Variants in CAST observed in about 807,000 individuals in gnomAD.
CAST encodes MIR583 host.
CAST carries 76 observed loss-of-function variants against 119.6 expected under a neutral mutation model. That is an observed-to-expected ratio of 0.64 (90% CI 0.53 to 0.77). The LOEUF is 0.77. Among genes scored for constraint, CAST ranks in the 30% least tolerant of loss-of-function variants. The probability of loss-of-function intolerance (pLI) is 0.00; values close to 1 mark genes in which losing one functional copy is unlikely to be tolerated. For missense variants in CAST, 953 were observed against 946.5 expected, an observed-to-expected ratio of 1.01 and a Z score of -0.09; for synonymous variants, 319 against 331.6, an observed-to-expected ratio of 0.96 and a Z score of 0.41.
At chr5:96,415,328 A>C in the CAST span, among the ~76,000 whole-genome samples, 1 of 152,162 alleles carries the variant, frequency 6.6e-6, no homozygotes, top group Admixed American at 6.5e-5. Flanking sequence ...GTTGTACTCA[A>C]GGCCTATCCA....
At chr5:96,045,907 T>C in the CAST span, among the ~76,000 whole-genome samples, 1 of 152,184 alleles carries the variant, frequency 6.6e-6, no homozygotes, top group Non-Finnish European at 1.5e-5. Context: ...AATCACAGTA[T>C]GGAGACAGAA....
At chr5:96,467,640 C>T in the CAST span, among the ~76,000 whole-genome samples, 2 of 151,872 alleles carry the variant, frequency 1.3e-5, no homozygotes, top group Non-Finnish European at 2.9e-5. Context: ...CCTCCATGTC[C>T]TCCTTGGTAA....
chr5:96,667,320 A>G (rs917556375), intron 1 of CAST, among the ~76,000 whole-genome samples: 7 of 152,234 alleles, frequency 4.6e-5, no homozygotes, highest in Admixed American at 6.5e-5. Context: ...AGTTTTGTGC[A>G]GAGTGCGGTG....
the CAST span, among the ~76,000 whole-genome samples, chr5:96,361,245 A>C: frequency 6.6e-6 from 1 of 152,200 alleles, no homozygotes; most frequent in Non-Finnish European, 1.5e-5. Flanking sequence ...ATTTCAAGCC[A>C]GTGGATCTTA....
chr5:96,580,016 A>G (rs1310773816), intron 1 of CAST, among the ~76,000 whole-genome samples: 2 of 152,246 alleles, frequency 1.3e-5, no homozygotes, highest in African/African-American at 2.4e-5. Flanking sequence ...AAACAGGATC[A>G]AAGTCACTGT....
chr5:96,726,776 G>A lies in CAST; in HGVS notation c.271-18G>A, dbSNP rs1156264909. On this transcript the variant is annotated intron_variant, in intron 4 of 31. Transcript: ENST00000675179. ...CAGATAAAATAAAATTATACCTGGG[G>A]CTGTGCTCTTATATTAGGCCATTCC... 4 of 1,583,690 alleles carry A rather than the reference G, an allele frequency of 2.5e-6. No individual in the cohort carries two copies. The East Asian group carries it at 6.7e-5, about 27-fold the overall frequency.
the CAST span, among the ~76,000 whole-genome samples, chr5:96,076,422 C>A: frequency 0.012 from 1,859 of 152,288 alleles, 24 homozygotes; most frequent in South Asian, 0.072. Flanking sequence ...AATTTATAAT[C>A]TTCCTTCTGA....
intron 2 of CAST, among the ~76,000 whole-genome samples, chr5:96,688,696 C>T (rs967809148): frequency 6.6e-6 from 1 of 151,928 alleles, no homozygotes; most frequent in Non-Finnish European, 1.5e-5. Flanking sequence ...TAGGAAAAAA[C>T]TGAAATTAGT....
chr5:96,495,599 C>T, the CAST span, among the ~76,000 whole-genome samples: 1 of 148,662 alleles, frequency 6.7e-6, no homozygotes, highest in Non-Finnish European at 1.5e-5. Flanking sequence ...ACATGAACTC[C>T]TTCTTTTTTA....
the CAST span, among the ~76,000 whole-genome samples, chr5:96,107,994 C>A: frequency 6.6e-6 from 1 of 151,818 alleles, no homozygotes; most frequent in Non-Finnish European, 1.5e-5. Context: ...TTGCTGATAC[C>A]CTTTCTTCCA....
the CAST span, among the ~76,000 whole-genome samples, chr5:96,012,434 AACTTT>A: frequency 6.6e-6 from 1 of 151,932 alleles, no homozygotes; most frequent in Non-Finnish European, 1.5e-5. Flanking sequence ...TCTTTATCCT[AACTTT>A]ACTTAATTTA....
chr5:96,281,198 G>A, the CAST span, among the ~76,000 whole-genome samples: 67 of 152,214 alleles, frequency 4.4e-4, 1 homozygote, highest in Admixed American at 1.2e-3. Flanking sequence ...GACTTTTATT[G>A]TTGTTGTTGC....
At chr5:96,053,288 G>A in the CAST span, among the ~76,000 whole-genome samples, 8 of 152,222 alleles carry the variant, frequency 5.3e-5, no homozygotes, top group East Asian at 5.8e-4. Flanking sequence ...AGCTCCCAGG[G>A]GATTCTAATG....
intron 3 of CAST, among the ~76,000 whole-genome samples, chr5:96,716,128 A>C (rs958514239): frequency 1.3e-5 from 2 of 152,248 alleles, no homozygotes; most frequent in East Asian, 1.9e-4. Flanking sequence ...ATCCATCATT[A>C]CAGAAAGAAA....
chr5:96,427,134 G>A, the CAST span, among the ~76,000 whole-genome samples: 3,744 of 152,248 alleles, frequency 0.025, 153 homozygotes, highest in African/African-American at 0.086. Flanking sequence ...AAGATAGACT[G>A]TTGCTGCATT....
At chr5:96,754,198 C>G in intron 21 of CAST, 37 bp downstream of exon 21, 1 of 1,158,008 alleles carries the variant, frequency 8.6e-7, no homozygotes, top group Non-Finnish European at 1.3e-6. Flanking sequence ...AAATAAATAT[C>G]ATTGATCACC....
At chr5:96,247,497 A>G in the CAST span, among the ~76,000 whole-genome samples, 3 of 152,246 alleles carry the variant, frequency 2.0e-5, no homozygotes, top group South Asian at 6.2e-4. Context: ...GCTTTTGTGC[A>G]TGAGTGTCAG....
the CAST span, among the ~76,000 whole-genome samples, chr5:96,068,911 A>T: frequency 6.6e-6 from 1 of 150,638 alleles, no homozygotes; most frequent in Non-Finnish European, 1.5e-5. Flanking sequence ...ATTTTTACAT[A>T]TGGCTCTTGG....
intron 1 of CAST, among the ~76,000 whole-genome samples, chr5:96,645,245 T>G (rs1186389240): frequency 6.6e-6 from 1 of 152,046 alleles, no homozygotes; most frequent in Admixed American, 6.5e-5. Context: ...TAGGCTGGAG[T>G]TATGAGTCTG....
Sources: gnomAD v4.1 joint callset for allele counts (sites outside exome capture counted in the v4.1 genomes callset) on GRCh38, gnomAD v4.1.1 for gene constraint, MANE v1.5 for transcripts, NCBI Gene and HGNC (gene_info 2026-07-23, HGNC 2026-07-21) for gene names.